Variants in C6orf163 observed in about 807,000 individuals in gnomAD.
C6orf163 encodes uncharacterized protein C6orf163.
In C6orf163, 22 loss-of-function variants were observed where a neutral mutation model predicts 28.4. That is an observed-to-expected ratio of 0.78 (90% CI 0.55 to 1.11). C6orf163 has a LOEUF of 1.11. Ranked by LOEUF, C6orf163 falls within the 50% of genes least tolerant of loss-of-function variation. C6orf163 has a pLI of 0.00. For synonymous variants in C6orf163, 110 were observed against 123.6 expected (o/e 0.89, Z 0.73); for missense variants, 342 against 389.1 (o/e 0.88, Z 1.02).
Position 87,365,307 on chromosome 6 carries a change from T to C in C6orf163, c.901T>C (p.Ser301Pro). ...CATCAATTATACCTTTCCTAAGCTTTCACCAGGACATGCAGATTTTATTCT... is the reference window on the plus strand; with the variant it reads ...CATCAATTATACCTTTCCTAAGCTTCCACCAGGACATGCAGATTTTATTCT... ...KYINYTFPKL[S>P]PGHADFILPE... is the part of the protein sequence containing the mutation. The change falls in exon 5 of 5, where the codon TCA becomes CCA. Residue 301 changes from serine (S) to proline (P), a missense_variant. Physicochemically the swap from Ser to Pro is moderately conservative, Grantham distance 74. Transcript: ENST00000388923. 1.9e-6 allele frequency: 3 copies of C among 1,551,572 alleles called. No individual in the cohort carries two copies. The African/African-American group carries it at 4.1e-5, about 21-fold the overall frequency.
chr6:87,356,451 G>A lies in C6orf163; in HGVS notation c.502G>A (p.Ala168Thr). 1 of 1,551,756 alleles carries A rather than the reference G, an allele frequency of 6.4e-7. No homozygotes were observed. The highest frequency in any genetic ancestry group is 8.7e-7 in the Non-Finnish European group (1 of 1,146,996). Residue 168 changes from alanine to threonine, a missense_variant, in exon 4 of 5, where the codon GCC becomes ACC. Ala to Thr is a moderately conservative substitution (Grantham distance 58). Transcript: ENST00000388923. ...AGAGAAGGTCGAAGCTGTGGAGAAA[G>A]CCAGGGCTGAAGAAAGACACATCGC... ...HREKVEAVEK[A>T]RAEERHIAQE...
At chr6:87,346,273 G>GA (rs1044758256) in intron 1 of C6orf163, among the ~76,000 whole-genome samples, 319 of 149,876 alleles carry the variant, frequency 2.1e-3, no homozygotes, top group African/African-American at 5.7e-3. Context: ...GAGGTGTTTG[G>GA]AAAAAAAAAC....
intron 2 of C6orf163, among the ~76,000 whole-genome samples, chr6:87,349,921 T>G (rs1230402619): frequency 6.6e-6 from 1 of 152,236 alleles, no homozygotes; most frequent in Admixed American, 6.5e-5. Flanking sequence ...GTTCTGTGTA[T>G]TCTTTTCAAA....
chr6:87,346,018 A>G (rs78032668), intron 1 of C6orf163, among the ~76,000 whole-genome samples: 1,808 of 149,844 alleles, frequency 0.012, 29 homozygotes, highest in Non-Finnish European at 0.019. Context: ...AAGTAGATAC[A>G]TATAGATAAC....
rs144608539 is a variant in C6orf163 at position 87,356,290 on chromosome 6, C to A, written c.352-11C>A. The A allele has an allele frequency of 5.2e-6, 8 of 1,550,850 alleles. No homozygotes were observed. The highest frequency in any genetic ancestry group is 6.1e-6 in the Non-Finnish European group (7 of 1,146,254). ...CTGTAATAGCTAAACCTAGTTTTGC[C>A]ATTGCTTCAGGAAGTGACAGCTAAA... On this transcript the variant is annotated splice_polypyrimidine_tract_variant and intron_variant, in intron 3 of 4. Transcript: ENST00000388923.
At chr6:87,364,300 A>G (rs1777616761) in intron 4 of C6orf163, among the ~76,000 whole-genome samples, 1 of 152,022 alleles carries the variant, frequency 6.6e-6, no homozygotes, top group Non-Finnish European at 1.5e-5. Context: ...AAGTTAAATT[A>G]TACCATTCTT....
chr6:87,349,517 C>T (rs1331343346), intron 2 of C6orf163, among the ~76,000 whole-genome samples: 2 of 152,196 alleles, frequency 1.3e-5, no homozygotes, highest in East Asian at 3.8e-4. Context: ...AGCAAAGCCT[C>T]AGTCCTGTAG....
intron 3 of C6orf163, among the ~76,000 whole-genome samples, chr6:87,353,949 T>C (rs1194808524): frequency 6.6e-6 from 1 of 152,180 alleles, no homozygotes; most frequent in Non-Finnish European, 1.5e-5. Flanking sequence ...CCTCCTGAGT[T>C]CAAGTGATTC....
chr6:87,350,792 C>A (rs552942853), intron 3 of C6orf163, among the ~76,000 whole-genome samples: 2 of 152,310 alleles, frequency 1.3e-5, no homozygotes, highest in East Asian at 3.9e-4. Context: ...TAGCAGTCTT[C>A]ACCATTGTAA....
In C6orf163 at chr6:87,365,006, G is replaced by A; in HGVS notation, c.600G>A (p.Lys200=). ...TGAATACTGGTGTCACAGTTATTAA[G>A]GATGAGAAGACCAGTGTGGCCCGAC... ...EIVNTGVTVI[K]DEKTSVARLM... Residue 200 remains lysine (K), a synonymous_variant, in exon 5 of 5, where the codon AAG becomes AAA. Coordinates refer to ENST00000388923, the MANE Select transcript of C6orf163 (RefSeq NM_001010868.3). 2 of 1,551,504 alleles carry A rather than the reference G, an allele frequency of 1.3e-6. No homozygotes were observed. Among genetic ancestry groups the A allele is most frequent in the Non-Finnish European group, 1.7e-6 (2 of 1,146,876 alleles).
chr6:87,364,987 C>G lies in C6orf163; in HGVS notation c.581C>G (p.Thr194Ser). The change falls in exon 5 of 5, where the codon ACT becomes AGT. Residue 194 changes from threonine to serine, a missense_variant. By Grantham distance (58) the Thr-to-Ser change is moderately conservative (BLOSUM62 1). Transcript: ENST00000388923. ...KSKAVEEIVN[T>S]GVTVIKDEKT... ...AAAGCCGTGGAGGAAATTGTGAATACTGGTGTCACAGTTATTAAGGATGAG... is the reference window on the plus strand; with the variant it reads ...AAAGCCGTGGAGGAAATTGTGAATAGTGGTGTCACAGTTATTAAGGATGAG... 8.4e-6 allele frequency: 13 copies of G among 1,548,786 alleles called. No homozygotes were observed. Among genetic ancestry groups the G allele is most frequent in the Non-Finnish European group, 1.0e-5 (12 of 1,145,078 alleles).
At chr6:87,348,589 T>C (rs1777362996) in intron 1 of C6orf163, 2 of 1,311,664 alleles carry the variant, frequency 1.5e-6, no homozygotes, top group Non-Finnish European at 1.9e-6. Context: ...CTGGGTGTGA[T>C]GAGGGGAATG....
intron 3 of C6orf163, 87 bp from the exon 4 acceptor site, chr6:87,356,214 A>G (rs1777499046): frequency 9.4e-7 from 1 of 1,065,830 alleles, no homozygotes; most frequent in South Asian, 1.5e-5. Context: ...TAGCAGATAG[A>G]TAAAACTATG....
chr6:87,362,413 G>A (rs1032771988), intron 4 of C6orf163, among the ~76,000 whole-genome samples: 1 of 152,146 alleles, frequency 6.6e-6, no homozygotes, highest in Non-Finnish European at 1.5e-5. Flanking sequence ...GGAGGCGGAG[G>A]TTGCAGTGAG....
At chr6:87,350,282 T>C (rs939657344) in intron 2 of C6orf163, 112 bp from the exon 3 acceptor site, 9 of 684,730 alleles carry the variant, frequency 1.3e-5, no homozygotes, top group Admixed American at 5.7e-5. Flanking sequence ...TCCATGGTTG[T>C]TGCTAATTTT....
At chr6:87,349,595 C>T (rs1392201821) in intron 2 of C6orf163, among the ~76,000 whole-genome samples, 1 of 152,184 alleles carries the variant, frequency 6.6e-6, no homozygotes, top group African/African-American at 2.4e-5. Flanking sequence ...TCCTTGAGAG[C>T]AGAACCACAG....
intron 1 of C6orf163, among the ~76,000 whole-genome samples, chr6:87,345,871 C>T (rs1441563959): frequency 1.5e-5 from 2 of 132,566 alleles, no homozygotes; most frequent in African/African-American, 2.9e-5. Flanking sequence ...GAGCTGAGAT[C>T]GTGCTACTGC....
chr6:87,350,684 T>C (rs1479084396), intron 3 of C6orf163, among the ~76,000 whole-genome samples, 183 bp downstream of exon 3: 5 of 152,208 alleles, frequency 3.3e-5, no homozygotes, highest in Non-Finnish European at 5.9e-5. Flanking sequence ...GATGAATAAG[T>C]GAAGAAGAAC....
chr6:87,349,273 T>A (rs908085895), intron 2 of C6orf163, among the ~76,000 whole-genome samples: 19 of 152,044 alleles, frequency 1.2e-4, no homozygotes, highest in African/African-American at 4.6e-4. Context: ...GAAAAAAAAA[T>A]GTCTAAGAAA....
Sources: gnomAD v4.1 joint callset for allele counts (sites outside exome capture counted in the v4.1 genomes callset) on GRCh38, gnomAD v4.1.1 for gene constraint, MANE v1.5 for transcripts, NCBI Gene and HGNC (gene_info 2026-07-23, HGNC 2026-07-21) for gene names.